The following INSL6 variants were observed in gnomAD, a reference collection of about 807,000 sequenced individuals.
INSL6 encodes insulin-like peptide INSL6.
In INSL6, 16 loss-of-function variants were observed where a neutral mutation model predicts 9.4. The ratio of observed to expected loss-of-function variants is 1.70; its 90% CI spans 1.15 to 2.59. The LOEUF (loss-of-function observed/expected upper bound fraction) is 2.59, where lower values mean the gene tolerates loss of function less well. INSL6 is among the 30% of genes most tolerant of loss of function. The pLI is 0.00. For synonymous variants in INSL6, 154 were observed against 96.9 expected (o/e 1.59, Z -3.46); for missense variants, 391 against 257.3 (o/e 1.52, Z -3.56).
intron 1 of INSL6, among the ~76,000 whole-genome samples, chr9:5,177,978 C>T (rs185688298): frequency 1.1e-4 from 16 of 152,314 alleles, no homozygotes; most frequent in Admixed American, 6.5e-4. Flanking sequence ...CAGGTTCAAG[C>T]GATTCTCCCG....
At chr9:5,027,724 C>A in the INSL6 span, among the ~76,000 whole-genome samples, 1 of 152,214 alleles carries the variant, frequency 6.6e-6, no homozygotes, top group Non-Finnish European at 1.5e-5. Flanking sequence ...CCTTTGTTGT[C>A]ATTTCAACAA....
chr9:5,133,264 G>C (rs1824325640), intron 3 of INSL6, among the ~76,000 whole-genome samples: 1 of 152,072 alleles, frequency 6.6e-6, no homozygotes, highest in African/African-American at 2.4e-5. Flanking sequence ...CACTACTTTA[G>C]AGTGTGCTCA....
chr9:5,126,757 G>T (rs775495966), intron 3 of INSL6: 2 of 1,610,106 alleles, frequency 1.2e-6, no homozygotes, highest in Non-Finnish European at 1.7e-6. Flanking sequence ...CTAGCTCTTC[G>T]AGTGGATCAA....
chr9:5,170,331 T>A (rs541973152), intron 1 of INSL6, among the ~76,000 whole-genome samples: 5 of 152,186 alleles, frequency 3.3e-5, no homozygotes, highest in African/African-American at 1.2e-4. Context: ...CGTATCAGAA[T>A]CTCTGGGACA....
chr9:5,037,421 G>T, the INSL6 span, among the ~76,000 whole-genome samples: 1 of 152,086 alleles, frequency 6.6e-6, no homozygotes, highest in Non-Finnish European at 1.5e-5. Flanking sequence ...TGTTTATTGC[G>T]GCACTATTCA....
chr9:5,066,525 A>AT, the INSL6 span, among the ~76,000 whole-genome samples: 2 of 152,078 alleles, frequency 1.3e-5, no homozygotes, highest in East Asian at 1.9e-4. Flanking sequence ...TGGTACTTTG[A>AT]TTTTTTCCTT....
At chr9:5,023,109 C>G in the INSL6 span, among the ~76,000 whole-genome samples, 4 of 152,240 alleles carry the variant, frequency 2.6e-5, no homozygotes, top group African/African-American at 9.6e-5. Context: ...TGAACTTGTT[C>G]CTTCTGTCTG....
At chr9:5,174,733 T>TTAC (rs1825259129) in intron 1 of INSL6, among the ~76,000 whole-genome samples, 1 of 152,204 alleles carries the variant, frequency 6.6e-6, no homozygotes, top group African/African-American at 2.4e-5. Flanking sequence ...TTTATATACC[T>TTAC]TACTTCCTAC....
chr9:5,037,753 G>A, the INSL6 span, among the ~76,000 whole-genome samples: 1 of 152,140 alleles, frequency 6.6e-6, no homozygotes, highest in Non-Finnish European at 1.5e-5. Flanking sequence ...TATACCTAAT[G>A]TTAAATGACG....
the INSL6 span, chr9:5,090,499 G>C: frequency 6.3e-7 from 1 of 1,591,006 alleles, no homozygotes; most frequent in Non-Finnish European, 8.6e-7. Context: ...AAGTTTACGA[G>C]ACTATCTTCA....
rs1361521231 is a variant in INSL6 at position 5,185,449 on chromosome 9, G to A, written c.154C>T (p.Gln52Ter). 1 of 1,614,184 alleles carries A rather than the reference G, an allele frequency of 6.2e-7. No individual in the cohort carries two copies. The highest frequency in any genetic ancestry group is 1.1e-5 in the South Asian group (1 of 91,070). ...EKLCGHANWS[Q>*]FRFEEETPFS... ...GGGGTTTCCTCCTCGAAACGGAACTGGCTCCAGTTGGCATGGCCGCAGAGT... is the reference window on the plus strand; with the variant it reads ...GGGGTTTCCTCCTCGAAACGGAACTAGCTCCAGTTGGCATGGCCGCAGAGT... The change falls in exon 1 of 2, where the codon CAG becomes TAG. Residue 52 changes from glutamine to a stop codon, truncating the protein, a stop_gained. Transcript: ENST00000381641. LOFTEE classifies it high-confidence loss of function.
chr9:5,119,506 A>T (rs994518336), downstream of INSL6, among the ~76,000 whole-genome samples: 1 of 152,124 alleles, frequency 6.6e-6, no homozygotes, highest in Non-Finnish European at 1.5e-5. Context: ...TCATGAGGGC[A>T]GTCAGGATAA....
chr9:5,092,777 G>T, the INSL6 span, among the ~76,000 whole-genome samples: 1 of 152,186 alleles, frequency 6.6e-6, no homozygotes, highest in Non-Finnish European at 1.5e-5. Flanking sequence ...ATGAGTAGTG[G>T]TGATAAGCCT....
the INSL6 span, among the ~76,000 whole-genome samples, chr9:5,079,073 G>T: frequency 6.6e-6 from 1 of 152,256 alleles, no homozygotes; most frequent in Non-Finnish European, 1.5e-5. Context: ...GCACTGATGT[G>T]TCCTATTTAA....
At chr9:5,127,302 G>A (rs1824065041) in intron 3 of INSL6, 1 of 232,078 alleles carries the variant, frequency 4.3e-6, no homozygotes, top group African/African-American at 2.2e-5. Flanking sequence ...AACAAATTAA[G>A]ATGTTCAGAT....
the INSL6 span, among the ~76,000 whole-genome samples, chr9:5,034,597 C>G: frequency 1.3e-5 from 2 of 152,010 alleles, no homozygotes; most frequent in East Asian, 3.8e-4. Context: ...CTCAAAACCA[C>G]TCAACTACAT....
the INSL6 span, among the ~76,000 whole-genome samples, chr9:5,088,430 A>G: frequency 6.6e-6 from 1 of 152,250 alleles, no homozygotes; most frequent in Non-Finnish European, 1.5e-5. Context: ...AAAATACACT[A>G]ATTTGATTAA....
At chr9:5,113,387 A>AT in the INSL6 span, among the ~76,000 whole-genome samples, 13 of 146,160 alleles carry the variant, frequency 8.9e-5, no homozygotes, top group African/African-American at 2.8e-4. Context: ...CCTAAGCGTA[A>AT]TTTTTTTTAA....
At chr9:5,158,721 T>A (rs1824865596) in intron 2 of INSL6, among the ~76,000 whole-genome samples, 1 of 152,044 alleles carries the variant, frequency 6.6e-6, no homozygotes, top group Admixed American at 6.5e-5. Flanking sequence ...AGGAGCTGCA[T>A]CAACACCAGA....
Sources: allele counts gnomAD v4.1 joint callset (sites outside exome capture counted in the v4.1 genomes callset), GRCh38; gene constraint gnomAD v4.1.1; transcripts MANE v1.5; gene names NCBI Gene and HGNC (gene_info 2026-07-23, HGNC 2026-07-21).